EIF2D: variants seen among roughly 807,000 people sequenced by gnomAD.
EIF2D encodes the protein eukaryotic translation initiation factor 2D, also known as hepatocellular carcinoma-associated antigen 56.
EIF2D carries 56 observed loss-of-function variants against 77.4 expected under a neutral mutation model. The observed-to-expected ratio is 0.72, with a 90% CI of 0.58 to 0.90. The LOEUF (loss-of-function observed/expected upper bound fraction) is 0.90. Ranked by LOEUF, EIF2D falls within the 40% of genes least tolerant of loss-of-function variation. EIF2D has a pLI of 0.00. For missense variants in EIF2D, 574 were observed against 706.5 expected (o/e 0.81, Z 2.13); for synonymous variants, 230 against 271.0 (o/e 0.85, Z 1.49).
At chr1:206,569,440 C>A (rs1668380253), downstream of EIF2D, among the ~76,000 whole-genome samples, 1 of 152,166 alleles carries the variant, frequency 6.6e-6, no homozygotes, top group Admixed American at 6.5e-5. Context: ...GCAAATGTTT[C>A]TTTCAGATCT....
downstream of EIF2D, among the ~76,000 whole-genome samples, chr1:206,569,415 CAGAG>C (rs1304260820): frequency 6.6e-6 from 1 of 152,170 alleles, no homozygotes; most frequent in African/African-American, 2.4e-5. Flanking sequence ...TAGCAACCCT[CAGAG>C]AGAAGACATG....
chr1:206,585,062 C>T, intron 2 of EIF2D: 2 of 718,310 alleles, frequency 2.8e-6, no homozygotes, highest in African/African-American at 1.8e-5. Context: ...CATTAAAAGG[C>T]CCGTGTCTAC....
At chr1:206,585,267 T>C in intron 2 of EIF2D, 2 of 1,614,098 alleles carry the variant, frequency 1.2e-6, no homozygotes, top group Non-Finnish European at 8.5e-7. Context: ...AGCTTTGTGC[T>C]AAAGGAGAAT....
intron 13 of EIF2D, 140 bp downstream of exon 13, chr1:206,595,578 C>T (rs782430176): frequency 1.9e-6 from 2 of 1,045,056 alleles, no homozygotes; most frequent in Non-Finnish European, 2.7e-6. Context: ...CCAGCCCAGG[C>T]ACATAAACAC....
At chr1:206,588,943 T>C (rs1162052898), downstream of EIF2D, 4 of 152,536 alleles carry the variant, frequency 2.6e-5, no homozygotes, top group African/African-American at 9.7e-5. Context: ...ATTTTATTTT[T>C]GAGAAGGAAA....
At chr1:206,576,059 G>A (rs1000146813) in intron 4 of EIF2D, among the ~76,000 whole-genome samples, 4 of 152,170 alleles carry the variant, frequency 2.6e-5, no homozygotes, top group Non-Finnish European at 5.9e-5. Flanking sequence ...TCAGCCAAGC[G>A]GGGTGCCAAA....
At chr1:206,595,962 A>G in intron 12 of EIF2D, 124 bp from the exon 13 acceptor site, 2 of 1,309,992 alleles carry the variant, frequency 1.5e-6, no homozygotes, top group Non-Finnish European at 2.1e-6. Context: ...GCTGCACATT[A>G]GAATCATTCA....
intron 2 of EIF2D, chr1:206,585,367 A>G: frequency 9.3e-7 from 1 of 1,079,880 alleles, no homozygotes; most frequent in Non-Finnish European, 1.4e-6. Context: ...TGTTGTCCTA[A>G]CTACCTCACA....
chr1:206,576,204 C>G (rs962079715), intron 4 of EIF2D, among the ~76,000 whole-genome samples: 5 of 152,250 alleles, frequency 3.3e-5, no homozygotes, highest in African/African-American at 1.2e-4. Flanking sequence ...CACACAGGCT[C>G]TGAAATCACC....
intron 4 of EIF2D, among the ~76,000 whole-genome samples, chr1:206,578,870 T>G (rs1668761041): frequency 6.6e-6 from 1 of 152,142 alleles, no homozygotes; most frequent in African/African-American, 2.4e-5. Flanking sequence ...TGTCATTGAT[T>G]AGAGTGCAGA....
chr1:206,582,484 T>C (rs1228258040), intron 2 of EIF2D, among the ~76,000 whole-genome samples: 2 of 152,204 alleles, frequency 1.3e-5, no homozygotes, highest in African/African-American at 4.8e-5. Context: ...GGTAATAAAC[T>C]ATCTTACAGA....
Position 206,599,938 on chromosome 1 carries a change from T to A in EIF2D, c.949-102A>T, listed in dbSNP as rs1404226345. 1.8e-6 allele frequency: 2 copies of A among 1,121,858 alleles called. No homozygotes were observed. Among genetic ancestry groups the A allele is most frequent in the Admixed American group, 4.1e-5 (2 of 48,276 alleles). 69.5% of individuals were successfully genotyped at this position (1,121,858 alleles called of 1,614,324 possible). A position where few individuals can be genotyped will look rare whatever the true frequency, so the allele number is the denominator to read the frequency against. On this transcript the variant is annotated intron_variant, in intron 8 of 14. Coordinates refer to ENST00000271764, the MANE Select transcript of EIF2D (RefSeq NM_006893.3). This position sits in a 1 kb window ranked among gnomAD's most constrained non-coding sequence, Gnocchi z 4.1. ...GAGCTAGGCAGGGACTGTGCAGGGA[T>A]ATGAGACAGCCCCTGCCTTCATCAA...
intron 2 of EIF2D, chr1:206,585,338 CTGGGT>C: frequency 1.3e-6 from 2 of 1,482,276 alleles, no homozygotes; most frequent in Non-Finnish European, 1.9e-6. Context: ...TTAGGGCACC[CTGGGT>C]GGGTGCAGGT....
chr1:206,580,867 T>C (rs1553406149), intron 3 of EIF2D: 1 of 152,294 alleles, frequency 6.6e-6, no homozygotes, highest in Non-Finnish European at 1.5e-5. Context: ...GGTGACATGG[T>C]GCCTCTGGGG....
chr1:206,603,081 C>G lies in EIF2D; in HGVS notation c.654G>C (p.Met218Ile). ...DSTLQGDMRH[M>I]TLEGEEENGE... ...CATTCTCCTCTTCCCCCTCCAGGGT[C>G]ATGTGCCTCATGTCTCCCTGCAGGG... The change falls in exon 6 of 15, where the codon ATG becomes ATC. Residue 218 changes from methionine to isoleucine, a missense_variant. By Grantham distance (10) the Met-to-Ile change is conservative. Transcript: ENST00000271764. 1 of 1,614,204 alleles carries G rather than the reference C, an allele frequency of 6.2e-7. No homozygotes were observed. Among genetic ancestry groups the G allele is most frequent in the Non-Finnish European group, 8.5e-7 (1 of 1,180,044 alleles).
intron 1 of EIF2D, 114 bp from the exon 2 acceptor site, chr1:206,611,488 TG>T: frequency 1.3e-6 from 1 of 753,524 alleles, no homozygotes; most frequent in East Asian, 2.7e-5. Flanking sequence ...AAAGATTGCC[TG>T]GTTTATGATG....
rs1669026981 is a variant in EIF2D, at chr1:206,584,524, G to A, written c.139-3362C>T. ...TGAACCTGGCGGCTACCACGGACAA[G>A]CGGACATCCTTCTACCTGCCCCTAG... On this transcript the variant is annotated intron_variant and NMD_transcript_variant, in intron 2 of 5. Transcript: ENST00000472709. The surrounding 1 kb of genome is among the most constrained non-coding windows in gnomAD (Gnocchi z 4.9). 2 of 1,614,032 alleles carry A rather than the reference G, an allele frequency of 1.2e-6. No homozygotes were observed. Among genetic ancestry groups the A allele is most frequent in the African/African-American group, 1.3e-5 (1 of 74,914 alleles).
rs186747816 is a variant in EIF2D, at chr1:206,596,539, T to C, written c.1388+561A>G. Reference sequence around the variant, plus strand: ...AGTTTGCTGACTCCTGACAATAAACTATTTTCAGTTATGTGGAAAAGAAGG... The same window carrying C: ...AGTTTGCTGACTCCTGACAATAAACCATTTTCAGTTATGTGGAAAAGAAGG... On this transcript the variant is annotated intron_variant, in intron 12 of 14. Coordinates refer to ENST00000271764, the MANE Select transcript of EIF2D (RefSeq NM_006893.3). 1.6e-3 allele frequency among the ~76,000 whole-genome samples: 247 copies of C among 152,354 alleles called. 1 individual carries two copies. Among genetic ancestry groups the C allele is most frequent in the Admixed American group, 3.0e-3 (46 of 15,306 alleles).
chr1:206,573,856 A>G (rs1668540169), intron 4 of EIF2D, among the ~76,000 whole-genome samples: 1 of 152,192 alleles, frequency 6.6e-6, no homozygotes, highest in Non-Finnish European at 1.5e-5. Context: ...AAAAAACAAA[A>G]TAGAAATCGG....
Sources: gnomAD v4.1 joint callset for allele counts (sites outside exome capture counted in the v4.1 genomes callset) on GRCh38, gnomAD v4.1.1 for gene constraint, Gnocchi (gnomAD v3.1) non-coding constraint, MANE v1.5 for transcripts, NCBI Gene and HGNC (gene_info 2026-07-23, HGNC 2026-07-21) for gene names.